ADH4: variants seen among roughly 807,000 people sequenced by gnomAD.
The protein encoded by ADH4 is all-trans-retinol dehydrogenase [NAD(+)] ADH4.
Under a neutral mutation model 35.2 loss-of-function variants are expected in ADH4, and 31 were observed. That is an observed-to-expected ratio of 0.88 (90% CI 0.66 to 1.19). The LOEUF (loss-of-function observed/expected upper bound fraction) is 1.19, where lower values mean the gene tolerates loss of function less well. ADH4 is among the 50% of genes most tolerant of loss of function. The pLI is 0.00. For missense variants in ADH4, 476 were observed against 458.3 expected, an observed-to-expected ratio of 1.04 and a Z score of -0.35; for synonymous variants, 171 against 160.2, an observed-to-expected ratio of 1.07 and a Z score of -0.51.
Position 99,127,312 on chromosome 4 carries a change from C to G in ADH4, c.876G>C (p.Trp292Cys), listed in dbSNP as rs750236433. ...CTACTCCAATGAAAGTACATGATCC[C>G]CAGCCTGCGGTTGTACAGTCCAGGG... Reference protein sequence around the residue: ...KAALDCTTAGWGSCTFIGVAA... With the variant: ...KAALDCTTAGCGSCTFIGVAA... The change falls in exon 7 of 9, where the codon TGG (tryptophan) becomes TGC (cysteine). Residue 292 changes from tryptophan to cysteine, a missense_variant. Coordinates refer to ENST00000265512, the MANE Select transcript of ADH4 (RefSeq NM_000670.5). 2 of 1,612,242 alleles carry G rather than the reference C, an allele frequency of 1.2e-6. No homozygotes were observed. Among genetic ancestry groups the G allele is most frequent in the Non-Finnish European group, 1.7e-6 (2 of 1,178,978 alleles).
chr4:99,130,641 A>G (rs917264632), intron 6 of ADH4, among the ~76,000 whole-genome samples: 1 of 152,194 alleles, frequency 6.6e-6, no homozygotes, highest in Admixed American at 6.5e-5. Context: ...TGGTATAATA[A>G]GTCAGCTTAA....
At position 99,136,546 on chromosome 4, in the gene ADH4, C is replaced by T. The variant is rs1463323615; in HGVS notation, c.502G>A (p.Asp168Asn). Reference protein sequence around the residue: ...VSDINLAKIDDDANLERVCLL... With the variant: ...VSDINLAKIDNDANLERVCLL... ...CAAACTCTCTCTAAATTTGCATCATCATCTATTTTGGCAAGATTGATATCT... is the reference window on the plus strand; with the variant it reads ...CAAACTCTCTCTAAATTTGCATCATTATCTATTTTGGCAAGATTGATATCT... Residue 168 changes from aspartate to asparagine, a missense_variant, in exon 5 of 9, where the codon GAT becomes AAT. Asp to Asn is a conservative substitution (Grantham distance 23). Coordinates refer to ENST00000265512, the MANE Select transcript of ADH4 (RefSeq NM_000670.5). The T allele has an allele frequency of 6.2e-7, 1 of 1,614,026 alleles. No individual in the cohort carries two copies. The highest frequency in any genetic ancestry group is 1.3e-5 in the African/African-American group (1 of 74,934).
rs1480777782 is a variant in ADH4, at chr4:99,139,116, A to G, written c.295T>C (p.Cys99Arg). The G allele has an allele frequency of 5.6e-6, 9 of 1,613,322 alleles. No homozygotes were observed. The highest frequency in any genetic ancestry group is 1.3e-5 in the African/African-American group (1 of 74,904). ...CTCAGACAAAACTTGCATTTTCTAC[A>G]TAGAGGTGCATAAAGTGGAATTACT... ...DKVIPLYAPL[C>R]RKCKFCLSPL... The change falls in exon 4 of 9, where the codon TGT becomes CGT. Residue 99 changes from cysteine to arginine, a missense_variant. Cys to Arg is a radical substitution (Grantham distance 180). Transcript: ENST00000265512.
At chr4:99,131,795 T>C (rs751034996) in intron 5 of ADH4, 31 bp from the exon 6 acceptor site, 2 of 1,595,336 alleles carry the variant, frequency 1.3e-6, no homozygotes, top group East Asian at 4.5e-5. Flanking sequence ...AAGTAACTTC[T>C]AAAGCAGCCA....
chr4:99,135,847 A>G lies in ADH4; in HGVS notation c.582+619T>C, dbSNP rs3805322. On this transcript the variant is annotated intron_variant, in intron 5 of 8. Coordinates refer to ENST00000265512, the MANE Select transcript of ADH4 (RefSeq NM_000670.5). Reference sequence around the variant, plus strand: ...TTCAGATAAGCAGGTTGAGATGTCCAATTGTGAGATCCCTCTTTGATGTCT... The same window carrying G: ...TTCAGATAAGCAGGTTGAGATGTCCGATTGTGAGATCCCTCTTTGATGTCT... 0.017 allele frequency among the ~76,000 whole-genome samples: 2,577 copies of G among 152,338 alleles called. 581 individuals carry two copies. The East Asian group carries it at 0.46, about 27-fold the overall frequency.
chr4:99,139,513 A>G (rs1729546422), intron 3 of ADH4, among the ~76,000 whole-genome samples: 1 of 152,178 alleles, frequency 6.6e-6, no homozygotes, highest in Admixed American at 6.5e-5. Context: ...GTAAACAATT[A>G]TAGGCTAGGT....
rs1186511004 is a variant in ADH4 at position 99,142,886 on chromosome 4, T to C, written c.19-106A>G. ...AGAAAAAATTAGAATATATTGATAC[T>C]GTAATTTCATGACAAAGAGTTAAAG... On this transcript the variant is annotated intron_variant, in intron 1 of 8. Coordinates refer to ENST00000265512, the MANE Select transcript of ADH4 (RefSeq NM_000670.5). 1.5e-5 allele frequency: 10 copies of C among 667,026 alleles called. No homozygotes were observed. In the Admixed American group the frequency reaches 2.9e-4, roughly 20 times the overall value. The allele number at this position is 667,026 out of a possible 1,614,324, so 41.3% of individuals were successfully genotyped here. A position where few individuals can be genotyped will look rare whatever the true frequency, so the allele number is the denominator to read the frequency against.
intron 1 of ADH4, chr4:99,143,122 T>C: frequency 2.9e-6 from 2 of 701,256 alleles, no homozygotes; most frequent in Non-Finnish European, 5.2e-6. Context: ...AGATGGCCTA[T>C]AAAAATCTAT....
intron 4 of ADH4, 26 bp downstream of exon 4, chr4:99,139,034 CT>C (rs768731376): frequency 1.3e-6 from 2 of 1,534,488 alleles, no homozygotes; most frequent in South Asian, 2.3e-5. Flanking sequence ...CAAATTTATA[CT>C]AATACTAACA....
intron 4 of ADH4, among the ~76,000 whole-genome samples, chr4:99,138,204 A>G (rs1042207959): frequency 1.3e-5 from 2 of 152,176 alleles, no homozygotes; most frequent in Non-Finnish European, 2.9e-5. Flanking sequence ...ATTTATTGGT[A>G]TTGCCTAAAT....
In ADH4 at chr4:99,140,916, G is replaced by T. The variant is rs554015371; in HGVS notation, c.262+625C>A. ...AACACCTTTAATTTTAGATTTAAGG[G>T]TACATGTGCAGGTTTGCTATATAAG... On this transcript the variant is annotated intron_variant, in intron 3 of 8. Transcript: ENST00000265512. 2.9e-3 allele frequency among the ~76,000 whole-genome samples: 440 copies of T among 151,934 alleles called. 6 individuals carry two copies. The highest frequency in any genetic ancestry group is 0.01 in the African/African-American group (422 of 41,436).
chr4:99,130,800 C>T (rs555563204), intron 6 of ADH4, among the ~76,000 whole-genome samples: 1 of 152,128 alleles, frequency 6.6e-6, no homozygotes, highest in African/African-American at 2.4e-5. Flanking sequence ...CGAAAAACCC[C>T]TCAGGAAATT....
chr4:99,126,849 A>G, intron 7 of ADH4, 117 bp from the exon 8 acceptor site: 1 of 907,798 alleles, frequency 1.1e-6, no homozygotes, highest in Non-Finnish European at 1.5e-6. Context: ...CAAATAGATT[A>G]AACTCCTTCC....
At chr4:99,127,101 T>A in intron 7 of ADH4, 108 bp downstream of exon 7, 4 of 857,822 alleles carry the variant, frequency 4.7e-6, no homozygotes, top group South Asian at 4.2e-5. Flanking sequence ...GCTCTAGGGA[T>A]TCAATGGTTG....
At chr4:99,136,953 ATT>A (rs70955973) in intron 4 of ADH4, among the ~76,000 whole-genome samples, 31,563 of 147,244 alleles carry the variant, frequency 0.21, 3,920 homozygotes, top group Non-Finnish European at 0.29. Context: ...GCAGGGAACA[ATT>A]TTTTTTTTTT....
At chr4:99,124,591 G>A in intron 8 of ADH4, 125 bp from the exon 9 acceptor site, 1 of 593,252 alleles carries the variant, frequency 1.7e-6, no homozygotes, top group Non-Finnish European at 2.9e-6. Flanking sequence ...ACTTTATTAA[G>A]CCTAATTTCT....
chr4:99,126,339 G>A (rs982433372), intron 8 of ADH4, among the ~76,000 whole-genome samples: 1 of 152,128 alleles, frequency 6.6e-6, no homozygotes, highest in African/African-American at 2.4e-5. Flanking sequence ...AGGCCCAACT[G>A]AGTTAATGGT....
At chr4:99,137,754 T>A (rs1170296672) in intron 4 of ADH4, among the ~76,000 whole-genome samples, 1 of 152,204 alleles carries the variant, frequency 6.6e-6, no homozygotes, top group African/African-American at 2.4e-5. Flanking sequence ...TCAGGTTTCA[T>A]CTATTATTCC....
At chr4:99,138,701 T>C (rs1474466302) in intron 4 of ADH4, among the ~76,000 whole-genome samples, 1 of 152,226 alleles carries the variant, frequency 6.6e-6, no homozygotes, top group Non-Finnish European at 1.5e-5. Flanking sequence ...AGCAATTTGC[T>C]TATTTCCCTT....
Sources: gnomAD v4.1 joint callset for allele counts (sites outside exome capture counted in the v4.1 genomes callset) on GRCh38, gnomAD v4.1.1 for gene constraint, MANE v1.5 for transcripts, NCBI Gene and HGNC (gene_info 2026-07-23, HGNC 2026-07-21) for gene names.